Variants in LMNTD1 observed in about 807,000 individuals in gnomAD.
The protein encoded by LMNTD1 is lamin tail domain containing 1, also known as lamin tail domain-containing protein 1.
LMNTD1 carries 35 observed loss-of-function variants against 50.9 expected under a neutral mutation model. The ratio of observed to expected loss-of-function variants is 0.69; its 90% confidence interval spans 0.53 to 0.91. LMNTD1 has a LOEUF of 0.91. Ranked by LOEUF, LMNTD1 falls within the 40% of genes least tolerant of loss-of-function variation. LMNTD1 has a pLI of 0.00. For missense variants in LMNTD1, 470 were observed against 475.5 expected (o/e 0.99, Z 0.11); for synonymous variants, 153 against 161.9 (o/e 0.94, Z 0.42).
At position 25,476,356 on chromosome 12, in the gene LMNTD1, A is replaced by T. The variant is rs1234048371; in HGVS notation, c.*127T>A. On this transcript the variant is annotated 3_prime_UTR_variant, in exon 10 of 10. Transcript: ENST00000458174. Reference sequence around the variant, plus strand: ...GATCCTTTTTCCATATAGAAATGTGATGTCTTCACCCTCTCATGGAATAGC... The same window carrying T: ...GATCCTTTTTCCATATAGAAATGTGTTGTCTTCACCCTCTCATGGAATAGC... 3.9e-5 allele frequency: 6 copies of T among 152,176 alleles called. No individual in the cohort carries two copies. Among genetic ancestry groups the T allele is most frequent in the Non-Finnish European group, 8.8e-5 (6 of 68,040 alleles). 9.4% of individuals were successfully genotyped at this position (152,176 alleles called of 1,614,324 possible).
exon 1 of LMNTD1, chr12:25,648,495 G>A: frequency 6.4e-7 from 1 of 1,551,248 alleles, no homozygotes; most frequent in Non-Finnish European, 8.7e-7. Flanking sequence ...CTCACTTACT[G>A]TGGTGGGTCT....
chr12:25,639,278 C>G (rs1328991733), intron 1 of LMNTD1, among the ~76,000 whole-genome samples: 1 of 151,964 alleles, frequency 6.6e-6, no homozygotes, highest in Admixed American at 6.6e-5. Context: ...AGATATGACA[C>G]TAAATGTACA....
intron 9 of LMNTD1, among the ~76,000 whole-genome samples, chr12:25,489,192 C>G (rs1591821421): frequency 6.6e-6 from 1 of 151,900 alleles, no homozygotes; most frequent in Non-Finnish European, 1.5e-5. Context: ...TTTACCTAAG[C>G]AAGCCTGGGC....
At chr12:25,613,131 A>G (rs1319147557) in intron 1 of LMNTD1, among the ~76,000 whole-genome samples, 1 of 152,234 alleles carries the variant, frequency 6.6e-6, no homozygotes, top group Non-Finnish European at 1.5e-5. Flanking sequence ...ACCCAGTGAG[A>G]CACTTGTTTT....
At chr12:25,597,750 C>T (rs962680101) in intron 1 of LMNTD1, among the ~76,000 whole-genome samples, 3 of 152,162 alleles carry the variant, frequency 2.0e-5, no homozygotes, top group Admixed American at 1.3e-4. Flanking sequence ...TGTTAAGTCA[C>T]AAGACAAATC....
chr12:25,636,680 C>G (rs769539663), intron 1 of LMNTD1, among the ~76,000 whole-genome samples: 1 of 152,152 alleles, frequency 6.6e-6, no homozygotes. Flanking sequence ...GACACTTGCA[C>G]ATGCATGTTA....
intron 8 of LMNTD1, among the ~76,000 whole-genome samples, chr12:25,512,472 T>C (rs1273807282): frequency 1.3e-5 from 2 of 152,170 alleles, no homozygotes; most frequent in Admixed American, 6.5e-5. Flanking sequence ...ATTTTTCATT[T>C]GGGGAAGTGG....
At chr12:25,603,175 A>C (rs1946015836) in intron 1 of LMNTD1, among the ~76,000 whole-genome samples, 1 of 152,118 alleles carries the variant, frequency 6.6e-6, no homozygotes, top group Non-Finnish European at 1.5e-5. Flanking sequence ...ATTTAGTGTC[A>C]GTTAATTTCA....
intron 9 of LMNTD1, among the ~76,000 whole-genome samples, chr12:25,496,251 G>T (rs1474768027): frequency 6.6e-6 from 1 of 152,148 alleles, no homozygotes; most frequent in Non-Finnish European, 1.5e-5. Flanking sequence ...GAGCCCTTTT[G>T]GTTGTATGTT....
intron 1 of LMNTD1, among the ~76,000 whole-genome samples, chr12:25,624,440 T>C (rs1433388667): frequency 1.3e-5 from 2 of 152,210 alleles, no homozygotes; most frequent in African/African-American, 2.4e-5. Context: ...AATGTAAAGA[T>C]TAAACCAATG....
At chr12:25,578,614 C>A (rs71450488) in intron 1 of LMNTD1, among the ~76,000 whole-genome samples, 18,305 of 152,142 alleles carry the variant, frequency 0.12, 1,289 homozygotes, top group East Asian at 0.28. Context: ...TAGACTAGTG[C>A]AGATTCAGAC....
chr12:25,622,464 C>CA (rs1194410303), intron 1 of LMNTD1, among the ~76,000 whole-genome samples: 2 of 111,762 alleles, frequency 1.8e-5, no homozygotes, highest in Admixed American at 2.0e-4. Flanking sequence ...AGTTTGTGAG[C>CA]CCGCCCCCCC....
At chr12:25,604,423 G>A (rs1159220232) in intron 1 of LMNTD1, among the ~76,000 whole-genome samples, 1 of 152,156 alleles carries the variant, frequency 6.6e-6, no homozygotes, top group East Asian at 1.9e-4. Flanking sequence ...ATGTATACAT[G>A]TGCCATGTTG....
upstream of LMNTD1, among the ~76,000 whole-genome samples, chr12:25,554,344 A>G (rs1411341129): frequency 6.6e-6 from 1 of 152,232 alleles, no homozygotes; most frequent in Non-Finnish European, 1.5e-5. Context: ...CATTGGTTTT[A>G]TCAGAGAGCC....
chr12:25,584,840 G>A (rs901707814), intron 1 of LMNTD1, among the ~76,000 whole-genome samples: 5 of 152,132 alleles, frequency 3.3e-5, no homozygotes. Context: ...ATTCAGTAAG[G>A]AGTGTTTTTC....
At chr12:25,648,485 C>G (rs1433631421) in intron 1 of LMNTD1, 4 of 1,550,740 alleles carry the variant, frequency 2.6e-6, no homozygotes, top group East Asian at 4.9e-5. Context: ...GCATTCATTT[C>G]TCACTTACTG....
At chr12:25,621,032 G>T (rs1207293183) in intron 1 of LMNTD1, among the ~76,000 whole-genome samples, 2 of 152,140 alleles carry the variant, frequency 1.3e-5, no homozygotes, top group African/African-American at 4.8e-5. Context: ...CAGACACTGG[G>T]CTCCTAACTA....
At chr12:25,615,033 A>G (rs1231326188) in intron 1 of LMNTD1, among the ~76,000 whole-genome samples, 1 of 152,190 alleles carries the variant, frequency 6.6e-6, no homozygotes, top group East Asian at 1.9e-4. Flanking sequence ...CCCTATCTGC[A>G]TCACCGTCAC....
intron 9 of LMNTD1, among the ~76,000 whole-genome samples, chr12:25,489,163 G>C (rs1306167004): frequency 3.3e-5 from 5 of 152,048 alleles, no homozygotes; most frequent in Non-Finnish European, 2.9e-5. Context: ...CACCCAGTTC[G>C]AGCTTCCCGG....
Sources: allele counts gnomAD v4.1 joint callset (sites outside exome capture counted in the v4.1 genomes callset), GRCh38; gene constraint gnomAD v4.1.1; transcripts MANE v1.5; gene names NCBI Gene and HGNC (gene_info 2026-07-23, HGNC 2026-07-21).